The following PCSK7 variants were observed in gnomAD, a reference collection of about 807,000 sequenced individuals.
PCSK7 encodes lymphoma proprotein convertase.
In PCSK7, 38 loss-of-function variants were observed where a neutral mutation model predicts 73.3. The observed-to-expected ratio is 0.52, with a 90% CI of 0.40 to 0.68. The LOEUF is 0.68. PCSK7 is among the 30% of genes least tolerant of loss of function. The pLI is 0.00. For missense variants in PCSK7, 692 were observed against 991.5 expected, an observed-to-expected ratio of 0.70 and a Z score of 4.06; for synonymous variants, 296 against 383.8, an observed-to-expected ratio of 0.77 and a Z score of 2.68.
chr11:117,229,462 C>T lies in PCSK7; in HGVS notation c.383G>A (p.Arg128His), dbSNP rs200597147. The T allele has an allele frequency of 4.8e-5, 78 of 1,611,258 alleles. No individual in the cohort carries two copies. The highest frequency in any genetic ancestry group is 5.3e-5 in the Non-Finnish European group (62 of 1,180,012). The change falls in exon 3 of 17, where the codon CGC becomes CAC. Residue 128 changes from arginine to histidine, a missense_variant. Arg to His is a conservative substitution (Grantham distance 29, BLOSUM62 0). Transcript: ENST00000320934. ...EAVLAGHEAV[R>H]WHSEQRLLRR... ...TAGCAGCCTCTGCTCTGAGTGCCAG[C>T]GCACAGCTTCATGCCCAGCCAACAC...
intron 1 of PCSK7, among the ~76,000 whole-genome samples, chr11:117,230,765 G>A (rs2032619451): frequency 6.6e-6 from 1 of 152,172 alleles, no homozygotes; most frequent in African/African-American, 2.4e-5. Flanking sequence ...CGTCCTAGAA[G>A]TCCAGGTGGT....
chr11:117,228,499 G>A (rs1249374795), intron 3 of PCSK7, 149 bp from the exon 4 acceptor site: 4 of 666,794 alleles, frequency 6.0e-6, no homozygotes, highest in Non-Finnish European at 1.1e-5. Context: ...ACAGAGTCAA[G>A]GAGGAGCAGG....
chr11:117,220,638 G>C (rs148015193), intron 9 of PCSK7: 2 of 152,468 alleles, frequency 1.3e-5, no homozygotes, highest in Non-Finnish European at 2.9e-5. Context: ...AACCAAGCTA[G>C]ACAGAGGAAG....
chr11:117,231,170 G>T (rs1197224757), intron 1 of PCSK7: 1 of 152,104 alleles, frequency 6.6e-6, no homozygotes, highest in Non-Finnish European at 1.5e-5. Flanking sequence ...TCTCCACTGG[G>T]TCCACCCTGG....
chr11:117,215,689 C>A (rs1182979120), intron 12 of PCSK7: 1 of 150,354 alleles, frequency 6.7e-6, no homozygotes, highest in Non-Finnish European at 1.5e-5. Context: ...GCGTGAGCCA[C>A]CGTGCCCAGC....
At chr11:117,224,360 T>C (rs1298203012) in intron 7 of PCSK7, 144 bp from the exon 8 acceptor site, 2 of 798,856 alleles carry the variant, frequency 2.5e-6, no homozygotes, top group Non-Finnish European at 4.0e-6. Context: ...GATTGGAAGA[T>C]GGACCCCGCA....
intron 12 of PCSK7, chr11:117,215,040 T>C (rs1455200434): frequency 6.6e-6 from 1 of 151,828 alleles, no homozygotes; most frequent in Non-Finnish European, 1.5e-5. Flanking sequence ...GAGGCCCCAA[T>C]CCCCTCTCCC....
At chr11:117,219,249 T>C (rs997312393) in intron 10 of PCSK7, 85 bp from the exon 11 acceptor site, 1 of 987,716 alleles carries the variant, frequency 1.0e-6, no homozygotes, top group Non-Finnish European at 1.5e-6. Context: ...CTTGCCCTGC[T>C]GGCTGATCCA....
At chr11:117,210,320 C>G (rs569623603) in intron 12 of PCSK7, 1 of 150,996 alleles carries the variant, frequency 6.6e-6, no homozygotes, top group Non-Finnish European at 1.5e-5. Context: ...GAAGACTCAA[C>G]TGGGGACTAT....
chr11:117,230,919 A>G (rs1017786003), intron 1 of PCSK7, among the ~76,000 whole-genome samples: 1 of 152,128 alleles, frequency 6.6e-6, no homozygotes, highest in African/African-American at 2.4e-5. Flanking sequence ...GGAGAGAACG[A>G]ATGATGAGAG....
chr11:117,204,500 T>G lies in PCSK7; in HGVS notation c.*1497A>C. The G allele has an allele frequency of 7.6e-7, 1 of 1,310,796 alleles. No individual in the cohort carries two copies. Among genetic ancestry groups the G allele is most frequent in the Non-Finnish European group, 1.1e-6 (1 of 931,180 alleles). The allele number at this position is 1,310,796 out of a possible 1,614,324, so 81.2% of individuals were successfully genotyped here. ...GGCTCTGTCACTGAGCAATGGTAAC[T>G]GCACCTGGGCAGCTCCTCCCTGTGC... On this transcript the variant is annotated 3_prime_UTR_variant, in exon 17 of 17. Coordinates refer to ENST00000320934, the MANE Select transcript of PCSK7 (RefSeq NM_004716.4).
rs1190472143 is a variant in PCSK7, at chr11:117,219,669, C to T, written c.1245G>A (p.Met415Ile). 3 of 1,612,376 alleles carry T rather than the reference C, an allele frequency of 1.9e-6. No individual in the cohort carries two copies. Among genetic ancestry groups the T allele is most frequent in the Non-Finnish European group, 2.5e-6 (3 of 1,179,466 alleles). Residue 415 changes from methionine to isoleucine, a missense_variant, in exon 10 of 17, where the codon ATG becomes ATA. Transcript: ENST00000320934. Reference protein sequence around the residue: ...TSAAAPLAAGMIALMLQVRPC... With the variant: ...TSAAAPLAAGIIALMLQVRPC... ...GCCGCACCTGCAGCATTAAGGCTAT[C>T]ATGCCAGCTGCCAGAGGCGCTGCAG...
At chr11:117,224,845 G>A (rs1435478525) in intron 6 of PCSK7, 90 bp from the exon 7 acceptor site, 2 of 911,736 alleles carry the variant, frequency 2.2e-6, no homozygotes, top group Non-Finnish European at 1.8e-6. Flanking sequence ...GCTGCCCTTT[G>A]ACCTGCAGCT....
intron 5 of PCSK7, chr11:117,226,596 G>A (rs186335121): frequency 8.9e-5 from 14 of 158,168 alleles, no homozygotes; most frequent in East Asian, 3.7e-4. Context: ...TGGCTCCTCC[G>A]GTCTCATTTA....
chr11:117,228,064 C>G (rs2032498966), intron 4 of PCSK7, 152 bp downstream of exon 4: 1 of 685,824 alleles, frequency 1.5e-6, no homozygotes, highest in Admixed American at 2.7e-5. Flanking sequence ...CCTTGACTGG[C>G]TAGCTAGGGA....
chr11:117,213,962 T>TC (rs2031849178), intron 12 of PCSK7: 3 of 129,126 alleles, frequency 2.3e-5, no homozygotes, highest in African/African-American at 9.7e-5. Context: ...TTTTCTTTTT[T>TC]TTTTTTTTTT....
At position 117,205,565 on chromosome 11, in the gene PCSK7, C is replaced by T. The variant is rs566184149; in HGVS notation, c.*432G>A. 4.5e-4 allele frequency: 108 copies of T among 237,930 alleles called. No individual in the cohort carries two copies. The East Asian group carries it at 6.5e-3, about 14-fold the overall frequency. The allele number at this position is 237,930 out of a possible 1,614,324, so 14.7% of individuals were successfully genotyped here. On this transcript the variant is annotated 3_prime_UTR_variant, in exon 17 of 17. Transcript: ENST00000320934. ...TTCAGGACAGGCATGTCCAGGGGCT[C>T]CTCCCAGCCTCTACCCCGAAGTCCT...
Position 117,205,320 on chromosome 11 carries a change from G to A in PCSK7, c.*677C>T, listed in dbSNP as rs975039198. On this transcript the variant is annotated 3_prime_UTR_variant, in exon 17 of 17. Transcript: ENST00000320934. ...GTGGTGGCAGGACTGGAGTGGCAGT[G>A]GCTCCCAAGGCTCTCTCCTCCAACA... 8 of 233,494 alleles carry A rather than the reference G, an allele frequency of 3.4e-5. No individual in the cohort carries two copies. The highest frequency in any genetic ancestry group is 5.9e-5 in the Non-Finnish European group (7 of 117,998). 14.5% of individuals were successfully genotyped at this position (233,494 alleles called of 1,614,324 possible).
rs781495290 is a variant in PCSK7 at position 117,229,394 on chromosome 11, G to T, written c.451C>A (p.Pro151Thr). Residue 151 changes from proline (P) to threonine (T), a missense_variant, in exon 3 of 17, where the codon CCG becomes ACG. This residue lies in a region of PCSK7 where 574 missense variants were observed against 689.8 expected (regional missense o/e 0.83). Coordinates refer to ENST00000320934, the MANE Select transcript of PCSK7 (RefSeq NM_004716.4). The part of the protein sequence containing the change: ...RSVHFNDPKY[P>T]QQWHLNNRRS... ...GGACTCACCAGGTGCCATTGCTGCG[G>T]GTACTTGGGGTCGTTGAAGTGGACG... 6.2e-7 allele frequency: 1 copy of T among 1,606,436 alleles called. No individual in the cohort carries two copies. Among genetic ancestry groups the T allele is most frequent in the Non-Finnish European group, 8.5e-7 (1 of 1,179,708 alleles).
Sources: allele counts gnomAD v4.1 joint callset (sites outside exome capture counted in the v4.1 genomes callset), GRCh38; gene constraint gnomAD v4.1.1; regional missense constraint gnomAD v4.1.1; transcripts MANE v1.5; gene names NCBI Gene and HGNC (gene_info 2026-07-23, HGNC 2026-07-21).